The following LRRC49 variants were observed in gnomAD, a reference collection of about 807,000 sequenced individuals.
LRRC49 encodes leucine-rich repeat-containing protein 49.
Under a neutral mutation model 83.3 loss-of-function variants are expected in LRRC49, and 50 were observed. The ratio of observed to expected loss-of-function variants is 0.60; its 90% CI spans 0.48 to 0.76. The LOEUF is 0.76. Among genes scored for constraint, LRRC49 ranks in the 30% least tolerant of loss-of-function variants. The pLI is 0.00. For missense variants in LRRC49, 704 were observed against 809.1 expected, an observed-to-expected ratio of 0.87 and a Z score of 1.58; for synonymous variants, 286 against 283.3, an observed-to-expected ratio of 1.01 and a Z score of -0.10.
At chr15:70,937,857 C>T (rs1596040869) in intron 8 of LRRC49, among the ~76,000 whole-genome samples, 2 of 151,992 alleles carry the variant, frequency 1.3e-5, no homozygotes, top group Non-Finnish European at 2.9e-5. Context: ...TTTCATATTC[C>T]TCTTAGTATA....
chr15:70,860,023 C>T (rs899385109), intron 1 of LRRC49: 1 of 746,542 alleles, frequency 1.3e-6, no homozygotes, highest in Non-Finnish European at 2.4e-6. Context: ...GCCTCAGCTA[C>T]AGCCTGGGCT....
chr15:70,891,622 T>TGTGTGTGTGTGTGTGTGTGTGTG (rs1464799124), upstream of LRRC49, among the ~76,000 whole-genome samples: 1 of 140,992 alleles, frequency 7.1e-6, no homozygotes, highest in Non-Finnish European at 1.5e-5. Context: ...TGTGTGTGAG[T>TGTGTGTGTGTGTGTGTGTGTGTG]TTTGGGGGAG....
intron 14 of LRRC49, among the ~76,000 whole-genome samples, chr15:71,019,328 A>G (rs1471825142): frequency 6.6e-6 from 1 of 152,184 alleles, no homozygotes; most frequent in African/African-American, 2.4e-5. Context: ...TCATTAGCAT[A>G]AAAAACATTC....
At chr15:70,944,863 C>G (rs748283427) in intron 8 of LRRC49, among the ~76,000 whole-genome samples, 9 of 152,164 alleles carry the variant, frequency 5.9e-5, no homozygotes, top group Non-Finnish European at 1.3e-4. Flanking sequence ...CATGGCTGTT[C>G]TTGGACTTCA....
At chr15:70,877,815 C>T (rs2141081206) in intron 2 of LRRC49, among the ~76,000 whole-genome samples, 1 of 152,314 alleles carries the variant, frequency 6.6e-6, no homozygotes, top group South Asian at 2.1e-4. Flanking sequence ...GTTGCTATTG[C>T]TCTCCAACAG....
In LRRC49 at chr15:70,948,386, C is replaced by T. The variant is rs146031019; in HGVS notation, c.773+11564C>T. Among the ~76,000 whole-genome samples, 24 of 152,136 alleles carry T rather than the reference C, an allele frequency of 1.6e-4. No individual in the cohort carries two copies. In the East Asian group the frequency reaches 4.5e-3, roughly 28 times the overall value. On this transcript the variant is annotated intron_variant, in intron 8 of 15. Coordinates refer to ENST00000260382, the MANE Select transcript of LRRC49 (RefSeq NM_017691.5). ...TTCATTCTACCACTAAGGCATTAACCCTTGGAGTCACGCCTTTTAAAGCTG... is the reference window on the plus strand; with the variant it reads ...TTCATTCTACCACTAAGGCATTAACTCTTGGAGTCACGCCTTTTAAAGCTG...
At chr15:71,014,749 A>G (rs1274993263) in intron 14 of LRRC49, among the ~76,000 whole-genome samples, 1 of 152,154 alleles carries the variant, frequency 6.6e-6, no homozygotes, top group Non-Finnish European at 1.5e-5. Flanking sequence ...ATATCAACAA[A>G]TACAGGCATA....
At position 71,014,864 on chromosome 15, in the gene LRRC49, T is replaced by C. The variant is rs573385904; in HGVS notation, c.1703+1951T>C. Among the ~76,000 whole-genome samples the C allele has an allele frequency of 1.2e-4, 18 of 152,330 alleles. No homozygotes were observed. In the South Asian group the frequency reaches 3.1e-3, roughly 26 times the overall value. ...AAGACTATAGAGGATTTGCATAACA[T>C]AGTTAACACATTTTATCAAATAAAT... is the stretch of plus-strand genomic sequence containing the variant. On this transcript the variant is annotated intron_variant, in intron 14 of 15. Coordinates refer to ENST00000260382, the MANE Select transcript of LRRC49 (RefSeq NM_017691.5).
chr15:70,984,036 T>C (rs2037499659), intron 10 of LRRC49, 58 bp from the exon 11 acceptor site: 1 of 1,372,428 alleles, frequency 7.3e-7, no homozygotes, highest in Non-Finnish European at 1.0e-6. Flanking sequence ...CCCTTAGATG[T>C]CACTTCTGCT....
intron 14 of LRRC49, among the ~76,000 whole-genome samples, chr15:71,027,537 A>G (rs899850188): frequency 1.3e-5 from 2 of 152,182 alleles, no homozygotes; most frequent in Non-Finnish European, 2.9e-5. Flanking sequence ...TTTGGGCAGT[A>G]TGGCCATTTT....
At chr15:70,869,430 C>T (rs969512956) in intron 1 of LRRC49, among the ~76,000 whole-genome samples, 2 of 152,172 alleles carry the variant, frequency 1.3e-5, no homozygotes, top group East Asian at 1.9e-4. Context: ...CAGTGGTAGG[C>T]GATTGGCTGT....
intron 8 of LRRC49, among the ~76,000 whole-genome samples, chr15:70,957,936 A>C (rs2036460309): frequency 6.6e-6 from 1 of 152,230 alleles, no homozygotes; most frequent in South Asian, 2.1e-4. Flanking sequence ...TAATTTTTAA[A>C]GATATAATTT....
intron 5 of LRRC49, among the ~76,000 whole-genome samples, chr15:70,906,772 T>C (rs2034332415): frequency 6.6e-6 from 1 of 152,230 alleles, no homozygotes; most frequent in Admixed American, 6.5e-5. Flanking sequence ...TTCTACTATG[T>C]CATTATTTAG....
At chr15:70,913,825 T>G (rs1196683037) in intron 6 of LRRC49, among the ~76,000 whole-genome samples, 2 of 152,056 alleles carry the variant, frequency 1.3e-5, no homozygotes, top group African/African-American at 4.8e-5. Context: ...TCTTTAAGAG[T>G]TTGTGAGTAC....
At chr15:70,902,293 A>G (rs934262051) in intron 4 of LRRC49, among the ~76,000 whole-genome samples, 1 of 152,180 alleles carries the variant, frequency 6.6e-6, no homozygotes, top group African/African-American at 2.4e-5. Context: ...AGACTGTGAC[A>G]TAACAAGTTA....
At chr15:70,966,670 A>G (rs1309158384) in intron 9 of LRRC49, among the ~76,000 whole-genome samples, 1 of 152,268 alleles carries the variant, frequency 6.6e-6, no homozygotes, top group East Asian at 1.9e-4. Flanking sequence ...GACCATGAAT[A>G]CTTATTAAAT....
intron 2 of LRRC49, among the ~76,000 whole-genome samples, chr15:70,886,083 G>A (rs1006215656): frequency 1.5e-4 from 23 of 151,974 alleles, no homozygotes; most frequent in Middle Eastern, 3.4e-3. Context: ...ATTAACCCAC[G>A]AATAAAAGAT....
chr15:70,977,038 C>T lies in LRRC49; in HGVS notation c.922-3063C>T, dbSNP rs569285614. Among the ~76,000 whole-genome samples, 6 of 152,180 alleles carry T rather than the reference C, an allele frequency of 3.9e-5. No homozygotes were observed. In the South Asian group the frequency reaches 1.0e-3, roughly 26 times the overall value. On this transcript the variant is annotated intron_variant, in intron 9 of 15. Coordinates refer to ENST00000260382, the MANE Select transcript of LRRC49 (RefSeq NM_017691.5). ...TTTCAAAAATCTGATGAAATCATCT[C>T]GTAAGTATGTGTAGTACGTGATCCA... is the stretch of plus-strand genomic sequence containing the variant.
chr15:70,889,411 T>C (rs990058244), upstream of LRRC49, among the ~76,000 whole-genome samples: 1 of 152,022 alleles, frequency 6.6e-6, no homozygotes, highest in Non-Finnish European at 1.5e-5. Flanking sequence ...GGGGAGGGGC[T>C]GGATATGGGG....
Sources: gnomAD v4.1 joint callset for allele counts (sites outside exome capture counted in the v4.1 genomes callset) on GRCh38, gnomAD v4.1.1 for gene constraint, MANE v1.5 for transcripts, NCBI Gene and HGNC (gene_info 2026-07-23, HGNC 2026-07-21) for gene names.